Variants in BRD10 observed in about 807,000 individuals in gnomAD.
BRD10 encodes uncharacterized bromodomain-containing protein 10.
At chr9:6,007,099 G>A in the BRD10 span, 2 of 1,281,128 alleles carry the variant, frequency 1.6e-6, no homozygotes, top group South Asian at 2.7e-5. Flanking sequence ...ACCTATCAGC[G>A]CCGCCCCCAG....
the BRD10 span, among the ~76,000 whole-genome samples, chr9:5,937,656 T>C: frequency 6.6e-6 from 1 of 152,250 alleles, no homozygotes; most frequent in Non-Finnish European, 1.5e-5. Flanking sequence ...ATATACAGCA[T>C]TAACTCCCTG....
chr9:5,895,075 A>T, the BRD10 span, among the ~76,000 whole-genome samples: 1 of 152,202 alleles, frequency 6.6e-6, no homozygotes. Context: ...ATACCCACTC[A>T]ACCCGTATGC....
At chr9:5,968,502 A>T in the BRD10 span, 6 of 1,611,832 alleles carry the variant, frequency 3.7e-6, no homozygotes, top group East Asian at 2.2e-5. Flanking sequence ...TTAATTTCAC[A>T]AGGCCTGCGA....
At chr9:5,957,232 C>T in the BRD10 span, among the ~76,000 whole-genome samples, 1 of 152,090 alleles carries the variant, frequency 6.6e-6, no homozygotes, top group African/African-American at 2.4e-5. Context: ...TACTGTAATA[C>T]TGGATAACTG....
chr9:5,997,918 C>G, the BRD10 span, among the ~76,000 whole-genome samples: 1 of 152,104 alleles, frequency 6.6e-6, no homozygotes, highest in Non-Finnish European at 1.5e-5. Flanking sequence ...TAAGTTCAAA[C>G]TATAAGTTAC....
chr9:5,999,879 T>A, the BRD10 span, among the ~76,000 whole-genome samples: 1 of 151,872 alleles, frequency 6.6e-6, no homozygotes, highest in Non-Finnish European at 1.5e-5. Flanking sequence ...ACTGAACTTG[T>A]CTTACCACAT....
the BRD10 span, among the ~76,000 whole-genome samples, chr9:5,927,168 T>C: frequency 6.6e-6 from 1 of 152,206 alleles, no homozygotes; most frequent in African/African-American, 2.4e-5. Flanking sequence ...TCTCAGTTAA[T>C]GGCTTTACTT....
chr9:5,972,983 C>T, the BRD10 span, among the ~76,000 whole-genome samples: 1 of 151,896 alleles, frequency 6.6e-6, no homozygotes, highest in African/African-American at 2.4e-5. Context: ...GTATTTGTGA[C>T]TGAAAAACAC....
chr9:5,944,411 G>T, the BRD10 span, among the ~76,000 whole-genome samples: 1 of 151,914 alleles, frequency 6.6e-6, no homozygotes, highest in South Asian at 2.1e-4. Flanking sequence ...AGCAGATAAA[G>T]GTTCTTTAAA....
chr9:5,980,014 CAAA>C, the BRD10 span, among the ~76,000 whole-genome samples: 7 of 99,984 alleles, frequency 7.0e-5, no homozygotes, highest in Admixed American at 1.1e-4. Context: ...GACTCCATCT[CAAA>C]AAAAAAAAAA....
the BRD10 span, among the ~76,000 whole-genome samples, chr9:5,883,462 C>CTTTTTTTTTTTTT: frequency 1.1e-4 from 11 of 102,400 alleles, no homozygotes; most frequent in Admixed American, 1.2e-4. Context: ...CCTTCTTCTT[C>CTTTTTTTTTTTTT]TTTTTTTTTT....
At chr9:5,918,511 T>C in the BRD10 span, among the ~76,000 whole-genome samples, 1 of 151,912 alleles carries the variant, frequency 6.6e-6, no homozygotes, top group Admixed American at 6.6e-5. Flanking sequence ...AGACCAGGAG[T>C]TCAAGACCAG....
the BRD10 span, among the ~76,000 whole-genome samples, chr9:5,926,197 T>C: frequency 6.6e-6 from 1 of 152,230 alleles, no homozygotes; most frequent in South Asian, 2.1e-4. Flanking sequence ...ATTACAGGCG[T>C]GAATCACTGC....
the BRD10 span, among the ~76,000 whole-genome samples, chr9:5,996,568 TG>T: frequency 1.2e-4 from 19 of 152,160 alleles, no homozygotes; most frequent in Non-Finnish European, 2.4e-4. Flanking sequence ...CGACCTCAGG[TG>T]ATCTGCCCAC....
chr9:5,914,863 G>A, the BRD10 span, among the ~76,000 whole-genome samples: 5 of 152,030 alleles, frequency 3.3e-5, no homozygotes, highest in African/African-American at 1.2e-4. Flanking sequence ...AATTTTGTAC[G>A]ATCATGGAGA....
the BRD10 span, among the ~76,000 whole-genome samples, chr9:5,946,988 T>A: frequency 6.6e-6 from 1 of 151,936 alleles, no homozygotes; most frequent in East Asian, 1.9e-4. Context: ...AATGAAGACA[T>A]ATACCTCTAC....
chr9:5,972,704 T>C, the BRD10 span, among the ~76,000 whole-genome samples: 1 of 152,336 alleles, frequency 6.6e-6, no homozygotes, highest in East Asian at 1.9e-4. Context: ...ATTCTCCTGA[T>C]GCAGATGCTG....
chr9:5,946,564 G>A, the BRD10 span, among the ~76,000 whole-genome samples: 4 of 152,038 alleles, frequency 2.6e-5, no homozygotes, highest in East Asian at 7.7e-4. Flanking sequence ...ATTCAGTGAG[G>A]ACTAAACTTT....
the BRD10 span, among the ~76,000 whole-genome samples, chr9:5,977,964 T>C: frequency 1.3e-5 from 2 of 152,240 alleles, no homozygotes; most frequent in African/African-American, 2.4e-5. Context: ...AAGCAGTGCA[T>C]GTTTCTAAAA....
Sources: gnomAD v4.1 joint callset for allele counts (sites outside exome capture counted in the v4.1 genomes callset) on GRCh38, gnomAD v4.1.1 for gene constraint, MANE v1.5 for transcripts, NCBI Gene and HGNC (gene_info 2026-07-23, HGNC 2026-07-21) for gene names.